Variants in REV1 observed in about 807,000 individuals in gnomAD.
REV1 encodes translesion synthesis protein REV1.
In REV1, 42 loss-of-function variants were observed where a neutral mutation model predicts 137.4. That is an observed-to-expected ratio of 0.31 (90% CI 0.24 to 0.40). The LOEUF is 0.40. Ranked by LOEUF, REV1 falls within the 10% of genes least tolerant of loss-of-function variation. The probability of loss-of-function intolerance (pLI) is 1.00; values close to 1 mark genes in which losing one functional copy is unlikely to be tolerated. For missense variants in REV1, 1,282 were observed against 1,490.1 expected, an observed-to-expected ratio of 0.86 and a Z score of 2.30; for synonymous variants, 524 against 519.2, an observed-to-expected ratio of 1.01 and a Z score of -0.12.
intron 22 of REV1, among the ~76,000 whole-genome samples, chr2:99,401,711 C>T (rs1464696222): frequency 6.6e-6 from 1 of 152,198 alleles, no homozygotes; most frequent in Non-Finnish European, 1.5e-5. Context: ...CCTGCCACTG[C>T]ACTCCAGCCT....
Position 99,404,606 on chromosome 2 carries a change from C to T in REV1, c.2883G>A (p.Gln961=), listed in dbSNP as rs1157150554. 2 of 1,614,016 alleles carry T rather than the reference C, an allele frequency of 1.2e-6. No individual in the cohort carries two copies. The highest frequency in any genetic ancestry group is 1.7e-6 in the Non-Finnish European group (2 of 1,179,984). The part of the protein sequence containing the change: ...REQVEQVCAV[Q]QAESHGDKKK... ...TTTTGTCGCCATGTGACTCTGCTTG[C>T]TGGACAGCACAGACTTGCTCTACTT... Residue 961 remains glutamine, a synonymous_variant, in exon 18 of 23, where the codon CAG becomes CAA. Coordinates refer to ENST00000258428, the MANE Select transcript of REV1 (RefSeq NM_016316.4).
rs181214206 is a variant in REV1 at position 99,406,796 on chromosome 2, C to G, written c.2449-306G>C. ...TGTATTCCACTGATGTTCTCGTCAACTAAGGTTTTAAATTAGGATAAAAAA... is the reference window on the plus strand; with the variant it reads ...TGTATTCCACTGATGTTCTCGTCAAGTAAGGTTTTAAATTAGGATAAAAAA... On this transcript the variant is annotated intron_variant, in intron 15 of 22. Coordinates refer to ENST00000258428, the MANE Select transcript of REV1 (RefSeq NM_016316.4). 3.0e-3 allele frequency: 576 copies of G among 191,752 alleles called. 5 individuals are homozygous for G. The highest frequency in any genetic ancestry group is 0.013 in the African/African-American group (550 of 43,242). The allele number at this position is 191,752 out of a possible 1,614,324, so 11.9% of individuals were successfully genotyped here.
rs969218304 is a variant in REV1, at chr2:99,455,633, G to C, written c.182-6129C>G. On this transcript the variant is annotated intron_variant, in intron 3 of 22. Coordinates refer to ENST00000258428, the MANE Select transcript of REV1 (RefSeq NM_016316.4). ...CCTCCATCTCTTATCTACAAGATGA[G>C]AGTCTCACAGGAAATGGAAGGAGAG... is the stretch of plus-strand genomic sequence containing the variant. 2.6e-5 allele frequency among the ~76,000 whole-genome samples: 4 copies of C among 152,098 alleles called. No individual in the cohort carries two copies. In the East Asian group the frequency reaches 7.7e-4, roughly 29 times the overall value.
rs1382320551 is a variant in REV1, at chr2:99,438,746, T to C, written c.1068A>G (p.Ser356=). The part of the protein sequence containing the change: ...CNFISNFYSH[S]RLHHISMWKC... ...TCCACATTGATATGTGATGCAGTCT[T>C]GAATGAGAATAGAAGTTTGAAATAA... The change falls in exon 6 of 23, where the codon TCA becomes TCG. Residue 356 remains serine (S), a synonymous_variant. Coordinates refer to ENST00000258428, the MANE Select transcript of REV1 (RefSeq NM_016316.4). The C allele has an allele frequency of 1.9e-6, 3 of 1,614,170 alleles. No homozygotes were observed. In the Admixed American group the frequency reaches 5.0e-5, roughly 27 times the overall value.
intron 9 of REV1, among the ~76,000 whole-genome samples, chr2:99,425,068 C>A (rs1164906276): frequency 6.6e-6 from 1 of 151,954 alleles, no homozygotes; most frequent in Non-Finnish European, 1.5e-5. Context: ...TAAAAACAAG[C>A]AAAATAATAA....
chr2:99,427,637 TC>T (rs1452825317), intron 9 of REV1, among the ~76,000 whole-genome samples: 16 of 152,234 alleles, frequency 1.1e-4, no homozygotes, highest in Admixed American at 1.0e-3. Flanking sequence ...AAAATTTTCC[TC>T]AGATAAGGAA....
intron 3 of REV1, among the ~76,000 whole-genome samples, chr2:99,457,814 G>C (rs1683708425): frequency 6.6e-6 from 1 of 152,116 alleles, no homozygotes; most frequent in South Asian, 2.1e-4. Context: ...TACAGTATTT[G>C]ATATAGTGTG....
At chr2:99,475,136 G>A (rs546620406) in intron 1 of REV1, among the ~76,000 whole-genome samples, 5 of 152,208 alleles carry the variant, frequency 3.3e-5, no homozygotes, top group African/African-American at 4.8e-5. Context: ...AGGTACACTC[G>A]CCAGCAGTTT....
intron 11 of REV1, among the ~76,000 whole-genome samples, chr2:99,419,991 T>C (rs1412055589): frequency 6.6e-6 from 1 of 152,148 alleles, no homozygotes; most frequent in Non-Finnish European, 1.5e-5. Flanking sequence ...GGAGTGGAAA[T>C]ATAAAGTGGG....
chr2:99,403,149 TG>T (rs3087397), intron 19 of REV1, 43 bp from the exon 20 acceptor site: 590,161 of 1,437,412 alleles, frequency 0.41, 123,957 homozygotes, highest in Admixed American at 0.61. Context: ...AATGATAGTA[TG>T]GATAGTCTGG....
Position 99,404,480 on chromosome 2 carries a change from T to C in REV1, c.3009A>G (p.Ala1003=), listed in dbSNP as rs1358065455. The change falls in exon 18 of 23, where the codon GCA becomes GCG. Residue 1003 remains alanine, a synonymous_variant. Coordinates refer to ENST00000258428, the MANE Select transcript of REV1 (RefSeq NM_016316.4). ...IPEPQESNSD[A]GINLIALPAF... is the part of the protein sequence containing the mutation. ...CTGGAAGGGCTATTAAATTTATTCC[T>C]GCGTCACTGTTCGATTCTTGAGGTT... The C allele has an allele frequency of 2.5e-6, 4 of 1,614,160 alleles. No homozygotes were observed. Among genetic ancestry groups the C allele is most frequent in the East Asian group, 2.2e-5 (1 of 44,892 alleles).
intron 3 of REV1, among the ~76,000 whole-genome samples, chr2:99,459,162 C>T (rs578008550): frequency 2.0e-5 from 3 of 150,120 alleles, no homozygotes; most frequent in East Asian, 4.0e-4. Context: ...GAGCCGAGAT[C>T]GCGCCACTGC....
At chr2:99,480,616 G>A (rs184491233) in intron 1 of REV1, among the ~76,000 whole-genome samples, 183 of 152,212 alleles carry the variant, frequency 1.2e-3, no homozygotes, top group Non-Finnish European at 2.2e-3. Context: ...GAACTCACAA[G>A]GTAACTGGCA....
At chr2:99,407,309 G>A (rs1676469200) in intron 15 of REV1, among the ~76,000 whole-genome samples, 1 of 151,558 alleles carries the variant, frequency 6.6e-6, no homozygotes, top group Non-Finnish European at 1.5e-5. Flanking sequence ...CCAGCACTTT[G>A]AGAGGCTGAG....
intron 4 of REV1, among the ~76,000 whole-genome samples, chr2:99,443,979 C>T (rs57977991): frequency 0.44 from 67,447 of 151,826 alleles, 15,212 homozygotes; most frequent in Admixed American, 0.58. Context: ...CCACCACGCC[C>T]GGCTAATTTT....
chr2:99,440,747 A>G (rs1419624930), intron 5 of REV1, among the ~76,000 whole-genome samples: 1 of 152,218 alleles, frequency 6.6e-6, no homozygotes, highest in African/African-American at 2.4e-5. Flanking sequence ...TATACCCCCC[A>G]AAAAAACCCC....
Position 99,445,041 on chromosome 2 carries a change from C to T in REV1, c.351-2572G>A, listed in dbSNP as rs756663906. On this transcript the variant is annotated intron_variant, in intron 4 of 22. Coordinates refer to ENST00000258428, the MANE Select transcript of REV1 (RefSeq NM_016316.4). ...ATGAAAGAGTTTACATTCTATACAA[C>T]GAATCAAAACATAGTCATAGCAAGT... Among the ~76,000 whole-genome samples the T allele has an allele frequency of 3.3e-5, 5 of 151,494 alleles. No individual in the cohort carries two copies. In the South Asian group the frequency reaches 1.0e-3, roughly 31 times the overall value.
chr2:99,479,069 C>T (rs1432733935), intron 1 of REV1, among the ~76,000 whole-genome samples: 1 of 152,114 alleles, frequency 6.6e-6, no homozygotes, highest in Non-Finnish European at 1.5e-5. Context: ...GTTGCTCATA[C>T]CTGTAATCCC....
chr2:99,400,877 T>C lies in REV1; in HGVS notation c.*364A>G, dbSNP rs913448804. The C allele has an allele frequency of 6.3e-6, 1 of 157,704 alleles. No individual in the cohort carries two copies. Among genetic ancestry groups the C allele is most frequent in the African/African-American group, 2.4e-5 (1 of 41,490 alleles). 9.8% of individuals were successfully genotyped at this position (157,704 alleles called of 1,614,324 possible). A position where few individuals can be genotyped will look rare whatever the true frequency, so the allele number is the denominator to read the frequency against. Reference sequence around the variant, plus strand: ...CTGGCCTGGAGGTTTTTCAGCCTTTTAGTATAATAAACAGTAGTTGCTTCC... The same window carrying C: ...CTGGCCTGGAGGTTTTTCAGCCTTTCAGTATAATAAACAGTAGTTGCTTCC... On this transcript the variant is annotated 3_prime_UTR_variant, in exon 23 of 23. Coordinates refer to ENST00000258428, the MANE Select transcript of REV1 (RefSeq NM_016316.4).
Sources: allele counts gnomAD v4.1 joint callset (sites outside exome capture counted in the v4.1 genomes callset), GRCh38; gene constraint gnomAD v4.1.1; transcripts MANE v1.5; gene names NCBI Gene and HGNC (gene_info 2026-07-23, HGNC 2026-07-21).